The following ZNF148 variants were observed in gnomAD, a reference collection of about 807,000 sequenced individuals.
ZNF148 encodes the protein Beta-Enolase Repressor Factor-1.
Under a neutral mutation model 67.7 loss-of-function variants are expected in ZNF148, and 7 were observed. That is an observed-to-expected ratio of 0.10 (90% confidence interval 0.06 to 0.19). The LOEUF is 0.19. Ranked by LOEUF, ZNF148 falls within the 10% of genes least tolerant of loss-of-function variation. ZNF148 has a pLI of 1.00. For missense variants in ZNF148, 583 were observed against 947.1 expected, an observed-to-expected ratio of 0.62 and a Z score of 5.05; for synonymous variants, 333 against 330.7, an observed-to-expected ratio of 1.01 and a Z score of -0.08.
At chr3:125,263,828 CTAGA>C (rs1937451772) in intron 7 of ZNF148, among the ~76,000 whole-genome samples, 1 of 152,096 alleles carries the variant, frequency 6.6e-6, no homozygotes, top group African/African-American at 2.4e-5. Flanking sequence ...TTCTGGGACC[CTAGA>C]TAGCTTCAGG....
chr3:125,308,125 T>C (rs917080657), intron 4 of ZNF148, among the ~76,000 whole-genome samples: 3 of 152,060 alleles, frequency 2.0e-5, no homozygotes, highest in Admixed American at 6.6e-5. Flanking sequence ...GTAAAACATA[T>C]GGACAATACA....
chr3:125,315,822 T>C (rs188088513), intron 3 of ZNF148, among the ~76,000 whole-genome samples: 1 of 152,230 alleles, frequency 6.6e-6, no homozygotes, highest in Non-Finnish European at 1.5e-5. Flanking sequence ...TCATGGAGAA[T>C]GGGGTATCCA....
chr3:125,274,500 T>C (rs1024889192), intron 7 of ZNF148, among the ~76,000 whole-genome samples: 3 of 152,190 alleles, frequency 2.0e-5, no homozygotes, highest in African/African-American at 7.2e-5. Flanking sequence ...TCCCCTAAAA[T>C]GGTGTTTCAT....
At chr3:125,296,964 CAAAA>C (rs1030849252) in intron 4 of ZNF148, among the ~76,000 whole-genome samples, 1 of 150,660 alleles carries the variant, frequency 6.6e-6, no homozygotes, top group Non-Finnish European at 1.5e-5. Context: ...GAAAAAAAAA[CAAAA>C]AAAGAAACAT....
At chr3:125,266,230 G>A (rs752654861) in intron 7 of ZNF148, among the ~76,000 whole-genome samples, 1 of 151,950 alleles carries the variant, frequency 6.6e-6, no homozygotes, top group African/African-American at 2.4e-5. Flanking sequence ...GGACCTAATA[G>A]AGCTCTACAG....
intron 7 of ZNF148, among the ~76,000 whole-genome samples, chr3:125,259,215 C>T (rs1579640455): frequency 6.6e-6 from 1 of 152,266 alleles, no homozygotes; most frequent in African/African-American, 2.4e-5. Flanking sequence ...AATAGCTGAA[C>T]AGACACATTA....
chr3:125,372,963 T>A (rs1359104329), intron 1 of ZNF148, among the ~76,000 whole-genome samples: 1 of 151,910 alleles, frequency 6.6e-6, no homozygotes, highest in Non-Finnish European at 1.5e-5. Context: ...TGAAACTCCG[T>A]CTCAAAAAAA....
chr3:125,300,122 C>T (rs966852896), intron 4 of ZNF148, among the ~76,000 whole-genome samples: 1 of 152,098 alleles, frequency 6.6e-6, no homozygotes, highest in Non-Finnish European at 1.5e-5. Flanking sequence ...CAGGCGCCCA[C>T]CACCATGCCT....
At chr3:125,307,101 C>T (rs1318594093) in intron 4 of ZNF148, among the ~76,000 whole-genome samples, 1 of 147,326 alleles carries the variant, frequency 6.8e-6, no homozygotes, top group Admixed American at 6.7e-5. Flanking sequence ...CATAAACATA[C>T]AAATGTTTAA....
rs1449748130 is a variant in ZNF148, at chr3:125,232,521, A to C, written c.2205T>G (p.Ala735=). Residue 735 remains alanine, a synonymous_variant, in exon 9 of 9, where the codon GCT becomes GCG. Transcript: ENST00000360647. This position sits in a 1 kb window ranked among gnomAD's most constrained non-coding sequence, Gnocchi z 4.2. Reference sequence around the variant, plus strand: ...TTCCAGCTCTTGATCCATGATAGGGAGCACGGAAGGGCTGTTCAAAGGAGC... The same window carrying C: ...TTCCAGCTCTTGATCCATGATAGGGCGCACGGAAGGGCTGTTCAAAGGAGC... The part of the protein sequence containing the change: ...QMSSFEQPFR[A]PYHGSRAGIA... 6.2e-7 allele frequency: 1 copy of C among 1,613,610 alleles called. No individual in the cohort carries two copies. Among genetic ancestry groups the C allele is most frequent in the Non-Finnish European group, 8.5e-7 (1 of 1,179,704 alleles).
chr3:125,252,307 T>C (rs1310626525), intron 7 of ZNF148, among the ~76,000 whole-genome samples: 1 of 150,020 alleles, frequency 6.7e-6, no homozygotes, highest in Non-Finnish European at 1.5e-5. Flanking sequence ...TTCCCCCCAT[T>C]CCAAGTTGTG....
chr3:125,339,981 T>A (rs942912903), intron 1 of ZNF148, among the ~76,000 whole-genome samples: 1 of 152,104 alleles, frequency 6.6e-6, no homozygotes, highest in Non-Finnish European at 1.5e-5. Context: ...TCAGATAAAA[T>A]GGCCTAGATC....
At chr3:125,336,944 G>C (rs369210049) in intron 1 of ZNF148, among the ~76,000 whole-genome samples, 2 of 147,834 alleles carry the variant, frequency 1.4e-5, no homozygotes, top group East Asian at 4.0e-4. Flanking sequence ...CAAAGTGCTG[G>C]TATTACCAGT....
intron 3 of ZNF148, among the ~76,000 whole-genome samples, chr3:125,315,580 A>G (rs757621618): frequency 1.8e-4 from 27 of 151,636 alleles, no homozygotes; most frequent in Non-Finnish European, 2.8e-4. Context: ...ATGATGGTGC[A>G]TGCCTGTAGT....
chr3:125,334,184 G>A (rs1941400860), intron 1 of ZNF148, among the ~76,000 whole-genome samples: 1 of 152,132 alleles, frequency 6.6e-6, no homozygotes. Context: ...TGATAGACTG[G>A]CAATGTTCCA....
At chr3:125,269,792 T>A (rs987552212) in intron 7 of ZNF148, among the ~76,000 whole-genome samples, 23 of 152,180 alleles carry the variant, frequency 1.5e-4, no homozygotes, top group African/African-American at 5.6e-4. Flanking sequence ...AGCAAAATCA[T>A]GTCTTTTGCA....
At chr3:125,236,729 C>G (rs1936109214) in intron 7 of ZNF148, among the ~76,000 whole-genome samples, 1 of 152,190 alleles carries the variant, frequency 6.6e-6, no homozygotes, top group Admixed American at 6.5e-5. Context: ...GAGCTGTGCT[C>G]TTTCAAGCTC....
rs1436827937 is a variant in ZNF148, at chr3:125,232,328, T to A, written c.*13A>T. The A allele has an allele frequency of 1.8e-4, 2 of 10,824 alleles. No individual in the cohort carries two copies. Among genetic ancestry groups the A allele is most frequent in the Non-Finnish European group, 3.9e-4 (2 of 5,120 alleles). The allele number at this position is 10,824 out of a possible 1,614,324, so 0.7% of individuals were successfully genotyped here. On this transcript the variant is annotated 3_prime_UTR_variant, in exon 9 of 9. Coordinates refer to ENST00000360647, the MANE Select transcript of ZNF148 (RefSeq NM_021964.3). This position sits in a 1 kb window ranked among gnomAD's most constrained non-coding sequence, Gnocchi z 4.2. ...TCTAAAGTGCCAGTATTATTTACAC[T>A]TTTTTTTTTTTTTTAGCCAAAAGTC...
intron 1 of ZNF148, among the ~76,000 whole-genome samples, chr3:125,374,043 A>G (rs1002368779): frequency 6.6e-6 from 1 of 152,188 alleles, no homozygotes; most frequent in Non-Finnish European, 1.5e-5. Context: ...GTAAGTGTTA[A>G]TACTTCAAAT....
Sources: gnomAD v4.1 joint callset for allele counts (sites outside exome capture counted in the v4.1 genomes callset) on GRCh38, gnomAD v4.1.1 for gene constraint, Gnocchi (gnomAD v3.1) non-coding constraint, MANE v1.5 for transcripts, NCBI Gene and HGNC (gene_info 2026-07-23, HGNC 2026-07-21) for gene names.